The following PIK3R4 variants were observed in gnomAD, a reference collection of about 807,000 sequenced individuals.
The protein encoded by PIK3R4 is phosphoinositide-3-kinase regulatory subunit 4.
Under a neutral mutation model 136.5 loss-of-function variants are expected in PIK3R4, and 46 were observed. That is an observed-to-expected ratio of 0.34 (90% CI 0.27 to 0.43). PIK3R4 has a LOEUF of 0.43. Among genes scored for constraint, PIK3R4 ranks in the 20% least tolerant of loss-of-function variants. PIK3R4 has a pLI of 1.00. For missense variants in PIK3R4, 1,331 were observed against 1,649.5 expected, an observed-to-expected ratio of 0.81 and a Z score of 3.35; for synonymous variants, 557 against 566.7, an observed-to-expected ratio of 0.98 and a Z score of 0.24.
intron 13 of PIK3R4, among the ~76,000 whole-genome samples, chr3:130,702,142 G>T (rs986505104): frequency 6.6e-6 from 1 of 151,822 alleles, no homozygotes; most frequent in Non-Finnish European, 1.5e-5. Context: ...CTGTCTCTAA[G>T]AAATAAAATA....
chr3:130,730,930 G>A (rs1467250181), intron 4 of PIK3R4, among the ~76,000 whole-genome samples: 2 of 152,144 alleles, frequency 1.3e-5, no homozygotes, highest in Admixed American at 6.5e-5. Context: ...TAAATGAAAA[G>A]TCACAACTGC....
At chr3:130,717,904 T>C (rs2066674620) in intron 8 of PIK3R4, among the ~76,000 whole-genome samples, 2 of 152,208 alleles carry the variant, frequency 1.3e-5, no homozygotes, top group African/African-American at 4.8e-5. Context: ...CTAAAGTTTA[T>C]CACCAAGTAC....
intron 10 of PIK3R4, among the ~76,000 whole-genome samples, chr3:130,707,715 T>A (rs1482559721): frequency 6.6e-6 from 1 of 152,192 alleles, no homozygotes; most frequent in Non-Finnish European, 1.5e-5. Context: ...GGCATGTAAC[T>A]GGCAGTGAAT....
chr3:130,722,642 G>T (rs1479808356), intron 7 of PIK3R4, among the ~76,000 whole-genome samples: 1 of 151,984 alleles, frequency 6.6e-6, no homozygotes, highest in Admixed American at 6.6e-5. Flanking sequence ...TTCTTAACTG[G>T]TAATCAATGC....
chr3:130,744,266 G>A (rs970653636), intron 2 of PIK3R4, among the ~76,000 whole-genome samples: 1 of 152,220 alleles, frequency 6.6e-6, no homozygotes, highest in Non-Finnish European at 1.5e-5. Context: ...AAGTAGGCAA[G>A]CAAATATGTT....
intron 13 of PIK3R4, among the ~76,000 whole-genome samples, chr3:130,693,932 A>C (rs2066532872): frequency 6.6e-6 from 1 of 152,068 alleles, no homozygotes; most frequent in Non-Finnish European, 1.5e-5. Flanking sequence ...TCTATGATCC[A>C]TTTTGAATAA....
chr3:130,706,763 C>G (rs1363124196), intron 11 of PIK3R4, among the ~76,000 whole-genome samples, 185 bp downstream of exon 11: 1 of 152,142 alleles, frequency 6.6e-6, no homozygotes, highest in Non-Finnish European at 1.5e-5. Flanking sequence ...TTAGTACTTT[C>G]AATAACTAGA....
rs78136224 is a variant in PIK3R4, at chr3:130,743,632, C to T, written c.733+854G>A. ...GGCGAGAGAAGTTCCTGTGACTTCACCTTCCAATGACAGAATCCTAACAAT... is the reference window on the plus strand; with the variant it reads ...GGCGAGAGAAGTTCCTGTGACTTCATCTTCCAATGACAGAATCCTAACAAT... On this transcript the variant is annotated intron_variant, in intron 2 of 19. Transcript: ENST00000356763. Among the ~76,000 whole-genome samples the T allele has an allele frequency of 9.2e-3, 1,405 of 152,226 alleles. 20 individuals are homozygous for T. The highest frequency in any genetic ancestry group is 0.053 in the East Asian group (272 of 5,180).
chr3:130,745,078 T>C lies in PIK3R4; in HGVS notation c.141A>G (p.Glu47=), dbSNP rs1407560537. 3 of 1,613,950 alleles carry C rather than the reference T, an allele frequency of 1.9e-6. No individual in the cohort carries two copies. Among genetic ancestry groups the C allele is most frequent in the Non-Finnish European group, 2.5e-6 (3 of 1,179,990 alleles). ...CAAAAACCTTCACAACGACCAGGCC[T>C]TCTCGGTGCTTGGCTCGAGCAACTT... ...FFKVARAKHR[E]GLVVVKVFAI... The change falls in exon 2 of 20, where the codon GAA becomes GAG. Residue 47 remains glutamate, a synonymous_variant. Transcript: ENST00000356763.
chr3:130,679,274 T>TTA lies in PIK3R4; in HGVS notation c.*39_*40dup. ...AAATGCCTTTTCTCGAGTTATAGTATTATATTTATAACTATTAAAATTTAT... is the reference window on the plus strand; with the variant it reads ...AAATGCCTTTTCTCGAGTTATAGTATTATATATTTATAACTATTAAAATTTAT... On this transcript the variant is annotated 3_prime_UTR_variant, in exon 20 of 20. Coordinates refer to ENST00000356763, the MANE Select transcript of PIK3R4 (RefSeq NM_014602.3). The TTA allele has an allele frequency of 8.0e-7, 1 of 1,249,956 alleles. No homozygotes were observed. Among genetic ancestry groups the TTA allele is most frequent in the Admixed American group, 2.7e-5 (1 of 36,870 alleles). 77.4% of individuals were successfully genotyped at this position (1,249,956 alleles called of 1,614,324 possible).
intron 15 of PIK3R4, 95 bp downstream of exon 15, chr3:130,686,116 C>T (rs2066488310): frequency 2.9e-6 from 2 of 680,092 alleles, no homozygotes; most frequent in Non-Finnish European, 5.1e-6. Context: ...GAAAAATTAC[C>T]AATGAACAAA....
rs1559818501 is a variant in PIK3R4 at position 130,681,574 on chromosome 3, C to T, written c.3625G>A (p.Glu1209Lys). Residue 1209 changes from glutamate (E) to lysine (K), a missense_variant, in exon 17 of 20, where the codon GAA becomes AAA. By Grantham distance (56) the Glu-to-Lys change is moderately conservative. Transcript: ENST00000356763. ...GTCTCCATGTCCCACATGGACACTT[C>T]GTTGTTGCCCTGAACAGCTAAAGGA... ...WVIAAVQGNN[E>K]VSMWDMETGD... 1 of 1,608,162 alleles carries T rather than the reference C, an allele frequency of 6.2e-7. No individual in the cohort carries two copies. The highest frequency in any genetic ancestry group is 8.5e-7 in the Non-Finnish European group (1 of 1,174,742).
chr3:130,714,646 C>G (rs945065242), intron 9 of PIK3R4, among the ~76,000 whole-genome samples: 8 of 151,752 alleles, frequency 5.3e-5, no homozygotes, highest in Admixed American at 5.3e-4. Flanking sequence ...GTCGTTTCCC[C>G]CTATGTTCAT....
At chr3:130,744,246 C>T (rs1052163612) in intron 2 of PIK3R4, among the ~76,000 whole-genome samples, 1 of 152,232 alleles carries the variant, frequency 6.6e-6, no homozygotes, top group Admixed American at 6.5e-5. Flanking sequence ...GTGCCTGACA[C>T]ATACAATAAA....
Position 130,734,000 on chromosome 3 carries a change from T to C in PIK3R4, c.998A>G (p.Lys333Arg), listed in dbSNP as rs534044558. 3.7e-6 allele frequency: 6 copies of C among 1,614,202 alleles called. No individual in the cohort carries two copies. In the South Asian group the frequency reaches 6.6e-5, roughly 18 times the overall value. Residue 333 changes from lysine to arginine, a missense_variant, in exon 4 of 20, where the codon AAG becomes AGG. By Grantham distance (26) the Lys-to-Arg change is conservative (BLOSUM62 2). This residue lies in a region of PIK3R4 where 1,180 missense variants were observed against 1,407.0 expected (regional missense o/e 0.84). Transcript: ENST00000356763. ...FLQPYMAQFA[K>R]ETFLSADERI... Reference sequence around the variant, plus strand: ...CTCATCTGCAGAAAGAAACGTTTCCTTGGCAAACTGGGCCATGTAGGGCTG... The same window carrying C: ...CTCATCTGCAGAAAGAAACGTTTCCCTGGCAAACTGGGCCATGTAGGGCTG...
At chr3:130,694,607 T>C (rs1283213096) in intron 13 of PIK3R4, among the ~76,000 whole-genome samples, 1 of 152,134 alleles carries the variant, frequency 6.6e-6, no homozygotes, top group Non-Finnish European at 1.5e-5. Flanking sequence ...ATGCAAGTGA[T>C]TTTTATATAT....
chr3:130,729,106 G>A (rs2066748823), intron 5 of PIK3R4, among the ~76,000 whole-genome samples: 1 of 152,174 alleles, frequency 6.6e-6, no homozygotes, highest in Non-Finnish European at 1.5e-5. Flanking sequence ...TTAAAGGTCA[G>A]TTTATTTTAG....
intron 6 of PIK3R4, among the ~76,000 whole-genome samples, chr3:130,725,632 A>T (rs745909323): frequency 6.6e-6 from 1 of 152,062 alleles, no homozygotes; most frequent in East Asian, 1.9e-4. Context: ...CTGACTTCAG[A>T]AAAACTGTCT....
At chr3:130,679,991 G>A (rs140135439) in intron 19 of PIK3R4, among the ~76,000 whole-genome samples, 78 of 144,044 alleles carry the variant, frequency 5.4e-4, no homozygotes, top group Middle Eastern at 3.8e-3. Context: ...CAGGAGAATC[G>A]CTTAACCTGG....
Sources: allele counts gnomAD v4.1 joint callset (sites outside exome capture counted in the v4.1 genomes callset), GRCh38; gene constraint gnomAD v4.1.1; regional missense constraint gnomAD v4.1.1; transcripts MANE v1.5; gene names NCBI Gene and HGNC (gene_info 2026-07-23, HGNC 2026-07-21).